Variants in UBR4 observed in about 807,000 individuals in gnomAD.
UBR4 encodes E3 ubiquitin-protein ligase UBR4.
A neutral mutation model predicts 575.6 loss-of-function variants in UBR4; 124 were observed. The observed-to-expected ratio is 0.22, with a 90% CI of 0.19 to 0.25. UBR4 has a LOEUF of 0.25. UBR4 is among the 10% of genes least tolerant of loss of function. The pLI, the probability that UBR4 is intolerant of heterozygous loss-of-function variation, is 1.00. For synonymous variants in UBR4, 2,455 were observed against 2,473.7 expected, an observed-to-expected ratio of 0.99 and a Z score of 0.22; for missense variants, 4,818 against 6,478.8, an observed-to-expected ratio of 0.74 and a Z score of 8.80.
At position 19,131,797 on chromosome 1, in the gene UBR4, C is replaced by T. The variant is rs185544846; in HGVS notation, c.8907-2723G>A. 2.5e-3 allele frequency among the ~76,000 whole-genome samples: 376 copies of T among 152,266 alleles called. 1 individual carries two copies. In the Middle Eastern group the frequency reaches 0.048, roughly 19 times the overall value. On this transcript the variant is annotated intron_variant, in intron 60 of 105. Coordinates refer to ENST00000375254, the MANE Select transcript of UBR4 (RefSeq NM_020765.3). ...CTGAGGCAGGAGAATCGCTTGAACC[C>T]GGGCGGCAGAGGTTGTAGTGAGCCA...
At chr1:19,107,485 T>C (rs1333838841) in intron 81 of UBR4, among the ~76,000 whole-genome samples, 4 of 152,122 alleles carry the variant, frequency 2.6e-5, no homozygotes, top group Non-Finnish European at 5.9e-5. Context: ...TTTCTCATGT[T>C]AAAAACTAAA....
chr1:19,135,844 C>T lies in UBR4; in HGVS notation c.8906+2163G>A, dbSNP rs1365033814. Among the ~76,000 whole-genome samples the T allele has an allele frequency of 2.6e-5, 4 of 152,082 alleles. No homozygotes were observed. The East Asian group carries it at 7.7e-4, about 29-fold the overall frequency. Reference sequence around the variant, plus strand: ...CCAAAATAAAAGACACTAGCCCACACATCCAAGAGTCCCAAAGACTACTAA... The same window carrying T: ...CCAAAATAAAAGACACTAGCCCACATATCCAAGAGTCCCAAAGACTACTAA... On this transcript the variant is annotated intron_variant, in intron 60 of 105. Transcript: ENST00000375254.
intron 55 of UBR4, among the ~76,000 whole-genome samples, chr1:19,143,123 A>G (rs1571038470): frequency 1.3e-5 from 2 of 151,398 alleles, no homozygotes; most frequent in East Asian, 1.9e-4. Context: ...AAGAAAGAGA[A>G]AAGAAAAAAA....
chr1:19,177,380 T>C, intron 19 of UBR4, 81 bp downstream of exon 19: 1 of 1,547,868 alleles, frequency 6.5e-7, no homozygotes, highest in African/African-American at 1.4e-5. Flanking sequence ...GTAGGTCATT[T>C]GGGCTGCGGA....
In UBR4 at chr1:19,157,728, C is replaced by G; in HGVS notation, c.5760+87G>C. 4 of 1,515,744 alleles carry G rather than the reference C, an allele frequency of 2.6e-6. No individual in the cohort carries two copies. The highest frequency in any genetic ancestry group is 1.3e-5 in the South Asian group (1 of 77,848). The allele number at this position is 1,515,744 out of a possible 1,614,324, so 93.9% of individuals were successfully genotyped here. ...GCAGTGGACTTTTTCCCACAGAGGG[C>G]TAATCCGAATGTGGTCATCAATTTG... On this transcript the variant is annotated intron_variant, in intron 40 of 105. Coordinates refer to ENST00000375254, the MANE Select transcript of UBR4 (RefSeq NM_020765.3). This position sits in a 1 kb window ranked among gnomAD's most constrained non-coding sequence, Gnocchi z 4.4.
chr1:19,179,856 G>C (rs2090696293), intron 17 of UBR4, among the ~76,000 whole-genome samples: 2 of 152,190 alleles, frequency 1.3e-5, no homozygotes, highest in Admixed American at 6.5e-5. Context: ...ACAAATGCCT[G>C]CTTTCTCACT....
rs1476980779 is a variant in UBR4 at position 19,162,647 on chromosome 1, C to T, written c.4765-36G>A. 5 of 1,577,034 alleles carry T rather than the reference C, an allele frequency of 3.2e-6. No individual in the cohort carries two copies. The Admixed American group carries it at 7.2e-5, about 23-fold the overall frequency. On this transcript the variant is annotated intron_variant, in intron 34 of 105. Coordinates refer to ENST00000375254, the MANE Select transcript of UBR4 (RefSeq NM_020765.3). Reference sequence around the variant, plus strand: ...AGCCCCACAGCAACTTCAGATTCTCCATGTTTCATTATGTAAACCATGTTT... The same window carrying T: ...AGCCCCACAGCAACTTCAGATTCTCTATGTTTCATTATGTAAACCATGTTT...
chr1:19,178,872 CAAAGTTGACAT>C (rs2090575410), intron 18 of UBR4, among the ~76,000 whole-genome samples, 168 bp downstream of exon 18: 1 of 152,150 alleles, frequency 6.6e-6, no homozygotes, highest in African/African-American at 2.4e-5. Flanking sequence ...ATTTCCAGAC[CAAAGTTGACAT>C]ACTTGTTTTT....
At chr1:19,132,848 A>G (rs2082708865) in intron 60 of UBR4, among the ~76,000 whole-genome samples, 2 of 152,102 alleles carry the variant, frequency 1.3e-5, no homozygotes, top group South Asian at 4.1e-4. Flanking sequence ...GGCTCACGCC[A>G]GTAAAACTGA....
Position 19,165,723 on chromosome 1 carries a change from G to C in UBR4, c.4144C>G (p.Gln1382Glu). Residue 1382 changes from glutamine (Q) to glutamate (E), a missense_variant, in exon 30 of 106, where the codon CAG (glutamine) becomes GAG (glutamate). By Grantham distance (29) the Gln-to-Glu change is conservative. This residue lies in a region of UBR4 where 1,172 missense variants were observed against 1,259.7 expected (regional missense o/e 0.93). Transcript: ENST00000375254. ...LDESILEECL[Q>E]YLEKQLESSQ... ...CTTTCCAGCTGCTTTTCCAAGTACTGGAGACATTCCTCCAGGATGGATTCA... is the reference window on the plus strand; with the variant it reads ...CTTTCCAGCTGCTTTTCCAAGTACTCGAGACATTCCTCCAGGATGGATTCA... The C allele has an allele frequency of 6.2e-7, 1 of 1,614,110 alleles. No homozygotes were observed. The highest frequency in any genetic ancestry group is 2.2e-5 in the East Asian group (1 of 44,884).
intron 53 of UBR4, 73 bp downstream of exon 53, chr1:19,145,720 C>A (rs917558439): frequency 2.9e-5 from 44 of 1,506,846 alleles, no homozygotes; most frequent in Non-Finnish European, 3.7e-5. Flanking sequence ...TAATGGCTAA[C>A]GGTCATAGCT....
intron 1 of UBR4, among the ~76,000 whole-genome samples, chr1:19,208,537 G>A (rs1286979772): frequency 6.6e-6 from 1 of 151,158 alleles, no homozygotes; most frequent in Non-Finnish European, 1.5e-5. Context: ...CATCAGTTTG[G>A]ACTTATTTTC....
Position 19,156,873 on chromosome 1 carries a change from C to G in UBR4, c.5813G>C (p.Arg1938Thr), listed in dbSNP as rs768642507. ...ALLKQADSSK[R>T]KLTLTRLASA... ...AGCCAAGCGGGTCAGAGTTAACTTC[C>G]TTTTGCTGGAATCTGCTTGCTTCAG... The change falls in exon 41 of 106, where the codon AGG (arginine) becomes ACG (threonine). Residue 1938 changes from arginine (R) to threonine (T), a missense_variant. By Grantham distance (71) the Arg-to-Thr change is moderately conservative. Around this residue, in one of 29 missense-constraint regions of UBR4, gnomAD observed 461 missense variants for 606.9 expected, o/e 0.76. Transcript: ENST00000375254. 6.2e-7 allele frequency: 1 copy of G among 1,614,152 alleles called. No homozygotes were observed. Among genetic ancestry groups the G allele is most frequent in the Admixed American group, 1.7e-5 (1 of 60,036 alleles).
chr1:19,095,336 G>C (rs1011589634), intron 93 of UBR4, among the ~76,000 whole-genome samples: 8 of 152,218 alleles, frequency 5.3e-5, no homozygotes, highest in Non-Finnish European at 1.2e-4. Context: ...GGAAGCTCTT[G>C]AGTGCCATGG....
At chr1:19,184,922 G>GT (rs1233251540) in intron 15 of UBR4, among the ~76,000 whole-genome samples, 177 bp downstream of exon 15, 2 of 152,196 alleles carry the variant, frequency 1.3e-5, no homozygotes, top group Non-Finnish European at 2.9e-5. Context: ...CAGAGAAACA[G>GT]TAACAGTCAC....
In UBR4 at chr1:19,093,886, C is replaced by T; in HGVS notation, c.13937+63G>A. On this transcript the variant is annotated intron_variant, in intron 95 of 105. Coordinates refer to ENST00000375254, the MANE Select transcript of UBR4 (RefSeq NM_020765.3). This position sits in a 1 kb window ranked among gnomAD's most constrained non-coding sequence, Gnocchi z 4.8. ...ATTCAGAGGATTCTTCCTCATCTCA[C>T]AGACCTAGTTCGGCGTTTTAGTGGA... The T allele has an allele frequency of 1.3e-6, 2 of 1,534,392 alleles. No homozygotes were observed. The highest frequency in any genetic ancestry group is 2.5e-5 in the South Asian group (2 of 79,398).
chr1:19,179,029 C>G (rs1462914234), intron 18 of UBR4, 22 bp downstream of exon 18: 1 of 1,607,808 alleles, frequency 6.2e-7, no homozygotes, highest in Non-Finnish European at 8.5e-7. Flanking sequence ...TCTCTATAGG[C>G]CTTCTCTTAC....
chr1:19,140,742 G>T, intron 58 of UBR4, 46 bp downstream of exon 58: 1 of 1,571,780 alleles, frequency 6.4e-7, no homozygotes. Flanking sequence ...AACAAGGCCT[G>T]AGGGTCCTGG....
chr1:19,184,976 G>C, intron 15 of UBR4, 123 bp downstream of exon 15: 1 of 1,229,940 alleles, frequency 8.1e-7, no homozygotes, highest in South Asian at 1.4e-5. Flanking sequence ...TAAGTCCTAA[G>C]CAAAAATATC....
Sources: gnomAD v4.1 joint callset for allele counts (sites outside exome capture counted in the v4.1 genomes callset) on GRCh38, gnomAD v4.1.1 for gene constraint, gnomAD v4.1.1 regional missense constraint, Gnocchi (gnomAD v3.1) non-coding constraint, MANE v1.5 for transcripts, NCBI Gene and HGNC (gene_info 2026-07-23, HGNC 2026-07-21) for gene names.